SLC9A8: variants seen among roughly 807,000 people sequenced by gnomAD.
The protein encoded by SLC9A8 is solute carrier family 9 member A8.
A neutral mutation model predicts 66.6 loss-of-function variants in SLC9A8; 48 were observed. The ratio of observed to expected loss-of-function variants is 0.72; its 90% CI spans 0.57 to 0.92. The LOEUF is 0.92. Ranked by LOEUF, SLC9A8 falls within the 40% of genes least tolerant of loss-of-function variation. The pLI is 0.00. For synonymous variants in SLC9A8, 274 were observed against 282.6 expected (o/e 0.97, Z 0.31); for missense variants, 599 against 747.3 (o/e 0.80, Z 2.31).
Position 49,829,958 on chromosome 20 carries a change from A to C in SLC9A8, c.289+6817A>C, listed in dbSNP as rs138039903. The C allele has an allele frequency of 1.6e-4, 96 of 597,682 alleles. 1 individual carries two copies. The African/African-American group carries it at 1.7e-3, about 11-fold the overall frequency. The allele number at this position is 597,682 out of a possible 1,614,324, so 37.0% of individuals were successfully genotyped here. ...TCCCCAGAAGCGGGGTCAGCCCCCA[A>C]AGAATGAGAAGAATGTCACCATCGT... is the stretch of plus-strand genomic sequence containing the variant. On this transcript the variant is annotated intron_variant, in intron 3 of 15. Coordinates refer to ENST00000361573, the MANE Select transcript of SLC9A8 (RefSeq NM_015266.3).
At chr20:49,822,092 A>C (rs1264783647) in intron 2 of SLC9A8, among the ~76,000 whole-genome samples, 1 of 152,236 alleles carries the variant, frequency 6.6e-6, no homozygotes, top group Non-Finnish European at 1.5e-5. Context: ...TTGGAGGATT[A>C]AATGAGAGAG....
intron 4 of SLC9A8, among the ~76,000 whole-genome samples, chr20:49,841,937 A>G (rs914748459): frequency 1.3e-5 from 2 of 152,150 alleles, no homozygotes; most frequent in African/African-American, 4.8e-5. Context: ...ACACGATGTC[A>G]CTATGCTACC....
chr20:49,814,497 A>G (rs2146426476), intron 1 of SLC9A8, among the ~76,000 whole-genome samples: 1 of 152,304 alleles, frequency 6.6e-6, no homozygotes, highest in Middle Eastern at 3.4e-3. Flanking sequence ...GGGTGTGGTA[A>G]GATGGGGTAA....
chr20:49,813,757 T>G (rs6063437), intron 1 of SLC9A8, among the ~76,000 whole-genome samples: 13,978 of 152,162 alleles, frequency 0.092, 722 homozygotes, highest in Middle Eastern at 0.13. Context: ...ATGACCAGAA[T>G]GAGGGATAGG....
chr20:49,831,391 AACAC>A (rs773512453), intron 3 of SLC9A8, among the ~76,000 whole-genome samples: 23 of 130,472 alleles, frequency 1.8e-4, no homozygotes, highest in African/African-American at 6.3e-4. Context: ...TACACACACA[AACAC>A]ACACACACTC....
chr20:49,815,432 G>A, intron 2 of SLC9A8: 1 of 353,728 alleles, frequency 2.8e-6, no homozygotes, highest in Non-Finnish European at 5.0e-6. Flanking sequence ...TTTGAAAGAA[G>A]GATTAAAAAA....
At chr20:49,881,344 G>A (rs1327407272) in intron 13 of SLC9A8, among the ~76,000 whole-genome samples, 1 of 149,888 alleles carries the variant, frequency 6.7e-6, no homozygotes, top group East Asian at 1.9e-4. Flanking sequence ...GTGCTTCAGC[G>A]CCTCCCTGGG....
chr20:49,832,157 C>T (rs1225896879), intron 3 of SLC9A8, among the ~76,000 whole-genome samples: 7 of 152,176 alleles, frequency 4.6e-5, no homozygotes, highest in Non-Finnish European at 8.8e-5. Flanking sequence ...CCCTTCTCCC[C>T]ACCTTCCTCT....
At position 49,886,545 on chromosome 20, in the gene SLC9A8, G is replaced by A. The variant is rs1429308253; in HGVS notation, c.1492-207G>A. 13 of 555,698 alleles carry A rather than the reference G, an allele frequency of 2.3e-5. No individual in the cohort carries two copies. The East Asian group carries it at 4.0e-4, about 17-fold the overall frequency. The allele number at this position is 555,698 out of a possible 1,614,324, so 34.4% of individuals were successfully genotyped here. ...CTTCTGTTTTAGCTGTCCTAGGTGG[G>A]GTCCTGGGCATCCATTGTGCCCTGA... On this transcript the variant is annotated intron_variant, in intron 14 of 15. Coordinates refer to ENST00000361573, the MANE Select transcript of SLC9A8 (RefSeq NM_015266.3). This position sits in a 1 kb window ranked among gnomAD's most constrained non-coding sequence, Gnocchi z 4.8.
intron 10 of SLC9A8, among the ~76,000 whole-genome samples, chr20:49,866,515 A>G (rs545392451): frequency 1.3e-5 from 2 of 152,262 alleles, no homozygotes; most frequent in East Asian, 1.9e-4. Flanking sequence ...TCATATTGCC[A>G]CCACACTTAT....
rs558250277 is a variant in SLC9A8, at chr20:49,886,854, G to A, written c.1594G>A (p.Ala532Thr). The A allele has an allele frequency of 5.0e-6, 8 of 1,614,164 alleles. No individual in the cohort carries two copies. The highest frequency in any genetic ancestry group is 2.2e-5 in the East Asian group (1 of 44,882). ...QDLKGFVWLD[A>T]KYLNPFFTRR... The stretch of plus-strand genomic sequence containing the variant: ...CCTTAAGGGCTTCGTGTGGCTGGAC[G>A]CCAAGTACCTGAACCCCTTCTTCAC... Residue 532 changes from alanine to threonine, a missense_variant, in exon 15 of 16, where the codon GCC becomes ACC. Physicochemically the swap from Ala to Thr is moderately conservative, Grantham distance 58. Transcript: ENST00000361573. The surrounding 1 kb of genome is among the most constrained non-coding windows in gnomAD (Gnocchi z 4.8).
In SLC9A8 at chr20:49,891,104, G is replaced by A. The variant is rs1235404862; in HGVS notation, c.*3168G>A. ...GAGGATGGGGCAGGCTGGGGTGTGG[G>A]TGTGGCCTGGGGTGGCTCAGGGCTG... On this transcript the variant is annotated 3_prime_UTR_variant, in exon 16 of 16. Coordinates refer to ENST00000361573, the MANE Select transcript of SLC9A8 (RefSeq NM_015266.3). The A allele has an allele frequency of 1.3e-5, 2 of 152,460 alleles. No homozygotes were observed. The highest frequency in any genetic ancestry group is 2.1e-4 in the South Asian group (1 of 4,838). 9.4% of individuals were successfully genotyped at this position (152,460 alleles called of 1,614,324 possible). A position where few individuals can be genotyped will look rare whatever the true frequency, so the allele number is the denominator to read the frequency against.
rs778948457 is a variant in SLC9A8, at chr20:49,881,010, G to A, written c.1245G>A (p.Lys415=). The A allele has an allele frequency of 6.2e-7, 1 of 1,613,364 alleles. No individual in the cohort carries two copies. The highest frequency in any genetic ancestry group is 1.7e-5 in the Admixed American group (1 of 60,028). Residue 415 remains lysine (K), a synonymous_variant, in exon 13 of 16, where the codon AAG becomes AAA. Coordinates refer to ENST00000361573, the MANE Select transcript of SLC9A8 (RefSeq NM_015266.3). The part of the protein sequence containing the change: ...NFFRDHKITP[K]MMFIMWFSGL... ...TCCGGGATCATAAAATCACACCGAA[G>A]ATGATGTTCATCATGTGGTTTAGTG...
At chr20:49,818,786 C>G in intron 2 of SLC9A8, among the ~76,000 whole-genome samples, 1 of 152,166 alleles carries the variant, frequency 6.6e-6, no homozygotes, top group African/African-American at 2.4e-5. Context: ...CCACCACACC[C>G]AGTTCAAACA....
chr20:49,834,331 GTGTA>G (rs1272429885), intron 3 of SLC9A8, among the ~76,000 whole-genome samples: 16 of 83,516 alleles, frequency 1.9e-4, no homozygotes, highest in South Asian at 6.6e-4. Flanking sequence ...TATATATACT[GTGTA>G]TATATATATA....
intron 8 of SLC9A8, 121 bp from the exon 9 acceptor site, chr20:49,862,804 CTGAA>C (rs2088800818): frequency 5.1e-6 from 4 of 779,326 alleles, no homozygotes; most frequent in Non-Finnish European, 7.7e-6. Flanking sequence ...GTTTGGCTGA[CTGAA>C]TGAATGATGG....
intron 13 of SLC9A8, among the ~76,000 whole-genome samples, chr20:49,881,392 A>G (rs2089622290): frequency 6.6e-6 from 1 of 152,234 alleles, no homozygotes; most frequent in South Asian, 2.1e-4. Flanking sequence ...CTCAAGGTAG[A>G]AAAGGTGAAA....
At chr20:49,831,743 T>C (rs6020073) in intron 3 of SLC9A8, among the ~76,000 whole-genome samples, 102,193 of 152,120 alleles carry the variant, frequency 0.67, 35,626 homozygotes, top group African/African-American at 0.86. Context: ...CATGTCTAAG[T>C]GTCCAGTGTG....
intron 13 of SLC9A8, among the ~76,000 whole-genome samples, chr20:49,882,439 C>T (rs879563351): frequency 6.6e-6 from 1 of 152,214 alleles, no homozygotes. Context: ...TCTCCTTTGA[C>T]GTCTCCTTGG....
Sources: gnomAD v4.1 joint callset for allele counts (sites outside exome capture counted in the v4.1 genomes callset) on GRCh38, gnomAD v4.1.1 for gene constraint, Gnocchi (gnomAD v3.1) non-coding constraint, MANE v1.5 for transcripts, NCBI Gene and HGNC (gene_info 2026-07-23, HGNC 2026-07-21) for gene names.